SUGCT: variants seen among roughly 807,000 people sequenced by gnomAD.
SUGCT encodes succinyl-CoA:glutarate-CoA transferase.
A neutral mutation model predicts 55.0 loss-of-function variants in SUGCT; 41 were observed. The ratio of observed to expected loss-of-function variants is 0.74; its 90% CI spans 0.58 to 0.97. The LOEUF is 0.97. Ranked by LOEUF, SUGCT falls within the 50% of genes least tolerant of loss-of-function variation. The pLI is 0.00. For synonymous variants in SUGCT, 187 were observed against 200.4 expected (o/e 0.93, Z 0.56); for missense variants, 568 against 547.8 (o/e 1.04, Z -0.37).
intron 9 of SUGCT, among the ~76,000 whole-genome samples, chr7:40,324,316 C>CCAATTACTATTATA (rs1584683571): frequency 6.7e-6 from 1 of 149,222 alleles, no homozygotes; most frequent in East Asian, 2.0e-4. Flanking sequence ...AGTGCAGTGG[C>CCAATTACTATTATA]GCAATCTCAG....
At chr7:40,510,799 A>G (rs1439341237) in intron 12 of SUGCT, among the ~76,000 whole-genome samples, 1 of 152,218 alleles carries the variant, frequency 6.6e-6, no homozygotes, top group Non-Finnish European at 1.5e-5. Flanking sequence ...TGAAATGTAG[A>G]ATTTCAATTA....
At chr7:40,221,378 C>T (rs1248898966) in intron 6 of SUGCT, among the ~76,000 whole-genome samples, 1 of 147,756 alleles carries the variant, frequency 6.8e-6, no homozygotes, top group Admixed American at 6.8e-5. Flanking sequence ...CATGCCACTG[C>T]ACTCCAGCTT....
intron 3 of SUGCT, among the ~76,000 whole-genome samples, chr7:40,185,043 T>C (rs1785421020): frequency 6.6e-6 from 1 of 152,202 alleles, no homozygotes; most frequent in Admixed American, 6.5e-5. Flanking sequence ...TACTTTTTAT[T>C]ATCCCTGACA....
chr7:40,310,873 A>T (rs1178132972), intron 8 of SUGCT, among the ~76,000 whole-genome samples: 1 of 152,144 alleles, frequency 6.6e-6, no homozygotes, highest in African/African-American at 2.4e-5. Flanking sequence ...CTGTTTTTGC[A>T]TGGAAACTTT....
chr7:40,722,714 T>C (rs1015229944), intron 12 of SUGCT, among the ~76,000 whole-genome samples: 1 of 152,188 alleles, frequency 6.6e-6, no homozygotes, highest in Admixed American at 6.5e-5. Flanking sequence ...TAATATAATG[T>C]TCAATACCTA....
At chr7:40,620,862 G>T (rs1799231170) in intron 12 of SUGCT, among the ~76,000 whole-genome samples, 1 of 152,154 alleles carries the variant, frequency 6.6e-6, no homozygotes, top group South Asian at 2.1e-4. Flanking sequence ...GAACAAGTTT[G>T]CAAAACAGTA....
intron 12 of SUGCT, among the ~76,000 whole-genome samples, chr7:40,715,846 G>A (rs1044001469): frequency 1.3e-5 from 2 of 152,028 alleles, no homozygotes; most frequent in African/African-American, 2.4e-5. Flanking sequence ...GTGGTTTTTC[G>A]CCCTCCCCTG....
At chr7:40,373,372 T>TAGATTCTAGAA (rs370304711) in intron 9 of SUGCT, among the ~76,000 whole-genome samples, 1 of 146,598 alleles carries the variant, frequency 6.8e-6, no homozygotes, top group Non-Finnish European at 1.5e-5. Context: ...TTAGAATCTA[T>TAGATTCTAGAA]GATTAATATA....
At position 40,684,277 on chromosome 7, in the gene SUGCT, T is replaced by C. The variant is rs557492728; in HGVS notation, c.1090-65157T>C. 109 of 1,235,848 alleles carry C rather than the reference T, an allele frequency of 8.8e-5. No individual in the cohort carries two copies. In the African/African-American group the frequency reaches 1.6e-3, roughly 18 times the overall value. 76.6% of individuals were successfully genotyped at this position (1,235,848 alleles called of 1,614,324 possible). A position where few individuals can be genotyped will look rare whatever the true frequency, so the allele number is the denominator to read the frequency against. The stretch of plus-strand genomic sequence containing the variant: ...ATCACAGGTTTCAGGGATTAGGACA[T>C]AGCATCTTTGGGGAGCCATTATTCT... On this transcript the variant is annotated intron_variant, in intron 12 of 13. Transcript: ENST00000335693.
intron 12 of SUGCT, among the ~76,000 whole-genome samples, chr7:40,672,474 A>G (rs558567127): frequency 2.3e-4 from 35 of 152,344 alleles, no homozygotes; most frequent in African/African-American, 7.7e-4. Flanking sequence ...GTTACATATG[A>G]TAAGATTCCT....
intron 6 of SUGCT, among the ~76,000 whole-genome samples, chr7:40,216,561 AAG>A (rs2150809791): frequency 6.6e-6 from 1 of 151,688 alleles, no homozygotes; most frequent in Admixed American, 6.6e-5. Context: ...CTTGCTTAAG[AAG>A]AGTGTTGGCC....
chr7:40,443,307 C>T (rs560302576), intron 9 of SUGCT, among the ~76,000 whole-genome samples: 1 of 152,278 alleles, frequency 6.6e-6, no homozygotes, highest in Admixed American at 6.5e-5. Context: ...CCCTGTCTTC[C>T]ACAATGGTTG....
chr7:40,945,803 C>G, the SUGCT span, among the ~76,000 whole-genome samples: 1 of 152,292 alleles, frequency 6.6e-6, no homozygotes, highest in South Asian at 2.1e-4. Context: ...AATGCTGCTG[C>G]TCCTCTGAGT....
chr7:40,140,549 C>G (rs536852741), intron 1 of SUGCT, among the ~76,000 whole-genome samples: 1 of 152,090 alleles, frequency 6.6e-6, no homozygotes, highest in African/African-American at 2.4e-5. Context: ...TACAGGCGCA[C>G]GCCACCACAC....
chr7:40,881,561 G>A, the SUGCT span, among the ~76,000 whole-genome samples: 107 of 152,324 alleles, frequency 7.0e-4, 1 homozygote, highest in African/African-American at 2.4e-3. Context: ...TTTTGGCTGG[G>A]AGATGGGGGT....
intron 12 of SUGCT, among the ~76,000 whole-genome samples, chr7:40,739,383 C>T (rs1288016551): frequency 2.6e-5 from 4 of 152,212 alleles, no homozygotes; most frequent in African/African-American, 9.6e-5. Context: ...TCACTCAGCA[C>T]AATTCCCTTA....
chr7:40,818,763 C>A (rs1377701830), intron 13 of SUGCT, among the ~76,000 whole-genome samples: 1 of 151,934 alleles, frequency 6.6e-6, no homozygotes, highest in African/African-American at 2.4e-5. Context: ...GTAACATTAT[C>A]TTTTTTTAAA....
the SUGCT span, among the ~76,000 whole-genome samples, chr7:40,874,620 G>A: frequency 1.3e-5 from 2 of 152,246 alleles, no homozygotes; most frequent in East Asian, 3.9e-4. Context: ...GAGCACGTAA[G>A]AATTTGTGAT....
intron 12 of SUGCT, among the ~76,000 whole-genome samples, chr7:40,543,128 T>G (rs573120823): frequency 1.4e-3 from 208 of 152,312 alleles, no homozygotes; most frequent in Non-Finnish European, 2.6e-3. Flanking sequence ...ATTTATGCCT[T>G]CCTTTTTCTG....
Sources: allele counts gnomAD v4.1 joint callset (sites outside exome capture counted in the v4.1 genomes callset), GRCh38; gene constraint gnomAD v4.1.1; transcripts MANE v1.5; gene names NCBI Gene and HGNC (gene_info 2026-07-23, HGNC 2026-07-21).